DDX55: variants seen among roughly 807,000 people sequenced by gnomAD.
The protein encoded by DDX55 is DEAD-box helicase 55.
DDX55 carries 56 observed loss-of-function variants against 69.2 expected under a neutral mutation model. The ratio of observed to expected loss-of-function variants is 0.81; its 90% CI spans 0.65 to 1.01. DDX55 has a LOEUF of 1.01. Among genes scored for constraint, DDX55 ranks in the 50% least tolerant of loss-of-function variants. The pLI is 0.00. For synonymous variants in DDX55, 268 were observed against 273.1 expected, an observed-to-expected ratio of 0.98 and a Z score of 0.18; for missense variants, 720 against 745.1, an observed-to-expected ratio of 0.97 and a Z score of 0.39.
Position 123,619,703 on chromosome 12 carries a change from T to G in DDX55, c.1605T>G (p.Asn535Lys). ...AAAAAGAAAAGAAGAAAAAAATGAA[T>G]GAGAAAAGGAAAAGGGAAGAGGTAA... is the stretch of plus-strand genomic sequence containing the variant. ...KAKKEKKKKM[N>K]EKRKREEGSD... The change falls in exon 13 of 14, where the codon AAT becomes AAG. Residue 535 changes from asparagine to lysine, a missense_variant. Coordinates refer to ENST00000238146, the MANE Select transcript of DDX55 (RefSeq NM_020936.3). The G allele has an allele frequency of 6.4e-7, 1 of 1,574,752 alleles. No homozygotes were observed. The highest frequency in any genetic ancestry group is 8.5e-7 in the Non-Finnish European group (1 of 1,170,444).
intron 10 of DDX55, 169 bp downstream of exon 10, chr12:123,616,772 C>A: frequency 2.8e-6 from 2 of 709,654 alleles, no homozygotes; most frequent in South Asian, 1.6e-5. Context: ...CTTGCCAGAA[C>A]AGTTTTGAAA....
chr12:123,618,127 C>T (rs1334457294), intron 11 of DDX55: 1 of 425,824 alleles, frequency 2.3e-6, no homozygotes, highest in Non-Finnish European at 4.4e-6. Context: ...ATGGATTCTC[C>T]TGCCTCAGCC....
rs958052209 is a variant in DDX55 at position 123,617,616 on chromosome 12, TAGTA to T, written c.1050-138_1050-135del. On this transcript the variant is annotated intron_variant, in intron 10 of 13. Transcript: ENST00000238146. Reference sequence around the variant, plus strand: ...TAATTGCCAGTTCTATTTCTCACACTAGTAAGTGGCCGAGTCCACACTGAGCTGT... The same window carrying T: ...TAATTGCCAGTTCTATTTCTCACACTAGTGGCCGAGTCCACACTGAGCTGT... 2.6e-5 allele frequency: 14 copies of T among 546,192 alleles called. No homozygotes were observed. The Admixed American group carries it at 4.9e-4, about 19-fold the overall frequency. The allele number at this position is 546,192 out of a possible 1,614,324, so 33.8% of individuals were successfully genotyped here.
At chr12:123,613,502 T>C (rs1318243261) in intron 8 of DDX55, among the ~76,000 whole-genome samples, 1 of 152,200 alleles carries the variant, frequency 6.6e-6, no homozygotes, top group Non-Finnish European at 1.5e-5. Flanking sequence ...TCAATGTTGA[T>C]GTGATTGGTC....
At chr12:123,609,168 T>TC (rs1421538553) in intron 6 of DDX55, among the ~76,000 whole-genome samples, 1 of 151,850 alleles carries the variant, frequency 6.6e-6, no homozygotes, top group Admixed American at 6.6e-5. Flanking sequence ...CCCAGTCTGT[T>TC]CTCAAACTCC....
chr12:123,610,890 G>GTGT (rs2135711308), intron 7 of DDX55, among the ~76,000 whole-genome samples: 1 of 132,782 alleles, frequency 7.5e-6, no homozygotes, highest in African/African-American at 2.8e-5. Flanking sequence ...GCGCCCGGCC[G>GTGT]TTTTTTTTTG....
At chr12:123,607,699 T>G in intron 5 of DDX55, 37 bp downstream of exon 5, 2 of 1,614,012 alleles carry the variant, frequency 1.2e-6, no homozygotes, top group Non-Finnish European at 1.7e-6. Context: ...CTTTGCTTGC[T>G]TTTGGCATTG....
chr12:123,618,365 C>G, intron 11 of DDX55: 1 of 687,260 alleles, frequency 1.5e-6, no homozygotes, highest in Non-Finnish European at 2.5e-6. Flanking sequence ...GTGACCAAGT[C>G]TCCTGTGTGG....
In DDX55 at chr12:123,606,144, GT is replaced by G. The variant is rs1011764298; in HGVS notation, c.233del (p.Leu78Ter). 6.2e-7 allele frequency: 1 copy of G among 1,614,086 alleles called. No homozygotes were observed. The highest frequency in any genetic ancestry group is 8.5e-7 in the Non-Finnish European group (1 of 1,179,980). ...AAATTCTTCTGAGAAGAGAAGAGAA[GT>G]TAAAAAAGAGTCAGGTGAGGACAAC... is the stretch of plus-strand genomic sequence containing the variant. The part of the protein sequence containing the change: ...LEILLRREEK[L>X]KKSQVGAIII... On this transcript the variant is annotated frameshift_variant, in exon 3 of 14. Transcript: ENST00000238146. LOFTEE classifies it high-confidence loss of function.
At position 123,605,999 on chromosome 12, in the gene DDX55, G is replaced by A. The variant is rs1338816728; in HGVS notation, c.159+18G>A. 3 of 1,614,050 alleles carry A rather than the reference G, an allele frequency of 1.9e-6. No homozygotes were observed. Among genetic ancestry groups the A allele is most frequent in the Admixed American group, 1.7e-5 (1 of 59,996 alleles). Reference sequence around the variant, plus strand: ...CAGAAGCGGTGAGTGCCTCGGGTATGTGCAGCCTGTCCTCGTGTTCTCCCT... The same window carrying A: ...CAGAAGCGGTGAGTGCCTCGGGTATATGCAGCCTGTCCTCGTGTTCTCCCT... On this transcript the variant is annotated intron_variant, in intron 2 of 13. Coordinates refer to ENST00000238146, the MANE Select transcript of DDX55 (RefSeq NM_020936.3).
chr12:123,602,221 C>A lies in DDX55; in HGVS notation c.73C>A (p.Arg25=). 1 of 1,571,088 alleles carries A rather than the reference C, an allele frequency of 6.4e-7. No individual in the cohort carries two copies. Among genetic ancestry groups the A allele is most frequent in the Non-Finnish European group, 8.6e-7 (1 of 1,160,560 alleles). ...PLHPQVLGAL[R]ELGFPYMTPV... ...GCACCCGCAGGTGCTGGGCGCGCTG[C>A]GGGAGCTGGGCTTCCCGTACATGAC... The change falls in exon 1 of 14, where the codon CGG becomes AGG. Residue 25 remains arginine, a synonymous_variant. Transcript: ENST00000238146.
intron 11 of DDX55, chr12:123,618,347 G>A (rs79786297): frequency 0.047 from 29,480 of 627,096 alleles, 975 homozygotes; most frequent in Non-Finnish European, 0.065. Context: ...AGGCACCTCG[G>A]TCATGGAGTG....
chr12:123,614,692 C>T lies in DDX55; in HGVS notation c.825-493C>T, dbSNP rs979861249. Among the ~76,000 whole-genome samples, 7 of 152,266 alleles carry T rather than the reference C, an allele frequency of 4.6e-5. 1 individual carries two copies. In the South Asian group the frequency reaches 1.5e-3, roughly 32 times the overall value. On this transcript the variant is annotated intron_variant, in intron 8 of 13. Transcript: ENST00000238146. ...CCCTTTTTGTCTTTGGATGACTCAGCTCCAAGTCCCAAATATCTGGGAGAA... is the reference window on the plus strand; with the variant it reads ...CCCTTTTTGTCTTTGGATGACTCAGTTCCAAGTCCCAAATATCTGGGAGAA...
chr12:123,617,784 C>T lies in DDX55; in HGVS notation c.1076C>T (p.Thr359Ile), dbSNP rs936331902. The change falls in exon 11 of 14, where the codon ACA becomes ATA. Residue 359 changes from threonine (T) to isoleucine (I), a missense_variant. By Grantham distance (89) the Thr-to-Ile change is moderately conservative (BLOSUM62 -1). Coordinates refer to ENST00000238146, the MANE Select transcript of DDX55 (RefSeq NM_020936.3). ...ASAFVHRCGR[T>I]ARIGHGGSAL... ...GCCTTCGTGCATCGCTGCGGTCGCA[C>T]AGCTCGCATTGGCCACGGGGGCAGC... 6.2e-7 allele frequency: 1 copy of T among 1,613,226 alleles called. No homozygotes were observed. The highest frequency in any genetic ancestry group is 8.5e-7 in the Non-Finnish European group (1 of 1,179,798).
rs1162079917 is a variant in DDX55, at chr12:123,610,024, G to C, written c.637G>C (p.Val213Leu). The change falls in exon 7 of 14, where the codon GTG becomes CTG. Residue 213 changes from valine (V) to leucine (L), a missense_variant. Val to Leu is a conservative substitution (Grantham distance 32, BLOSUM62 1). Coordinates refer to ENST00000238146, the MANE Select transcript of DDX55 (RefSeq NM_020936.3). Reference sequence around the variant, plus strand: ...TCAGACGCAGGAAGTGGAGAACCTGGTGAGAGCGGGCCTCCGGAACCCTGT... The same window carrying C: ...TCAGACGCAGGAAGTGGAGAACCTGCTGAGAGCGGGCCTCCGGAACCCTGT... ...ATQTQEVENL[V>L]RAGLRNPVRV... is the part of the protein sequence containing the mutation. The C allele has an allele frequency of 6.2e-7, 1 of 1,614,068 alleles. No homozygotes were observed. Among genetic ancestry groups the C allele is most frequent in the East Asian group, 2.2e-5 (1 of 44,884 alleles).
chr12:123,615,897 G>A (rs1449084035), intron 9 of DDX55, among the ~76,000 whole-genome samples: 3 of 152,212 alleles, frequency 2.0e-5, no homozygotes, highest in African/African-American at 7.2e-5. Context: ...CAGGAGAATG[G>A]TGTGAACCCA....
intron 9 of DDX55, among the ~76,000 whole-genome samples, chr12:123,615,751 G>A (rs35901988): frequency 1.3e-5 from 2 of 152,166 alleles, no homozygotes; most frequent in Non-Finnish European, 2.9e-5. Flanking sequence ...TTGGGAGGCC[G>A]AGGCGGGTGG....
chr12:123,614,972 A>AT (rs1443683850), intron 8 of DDX55, among the ~76,000 whole-genome samples: 2 of 152,052 alleles, frequency 1.3e-5, no homozygotes, highest in Non-Finnish European at 2.9e-5. Flanking sequence ...TGTTTAAGGG[A>AT]TTTTGTCAAA....
chr12:123,603,392 C>T (rs867887573), intron 1 of DDX55, among the ~76,000 whole-genome samples: 18 of 128,520 alleles, frequency 1.4e-4, no homozygotes, highest in East Asian at 6.9e-4. Context: ...GGTTTTTATT[C>T]TTTTTTTTTT....
Sources: allele counts gnomAD v4.1 joint callset (sites outside exome capture counted in the v4.1 genomes callset), GRCh38; gene constraint gnomAD v4.1.1; transcripts MANE v1.5; gene names NCBI Gene and HGNC (gene_info 2026-07-23, HGNC 2026-07-21).